The following NOC4L variants were observed in gnomAD, a reference collection of about 807,000 sequenced individuals.
NOC4L encodes nucleolar complex associated 4 homolog.
A neutral mutation model predicts 62.8 loss-of-function variants in NOC4L; 40 were observed. That is an observed-to-expected ratio of 0.64 (90% CI 0.49 to 0.83). NOC4L has a LOEUF of 0.83. NOC4L is among the 40% of genes least tolerant of loss of function. The probability of loss-of-function intolerance (pLI) is 0.00; values close to 1 mark genes in which losing one functional copy is unlikely to be tolerated. For synonymous variants in NOC4L, 433 were observed against 299.8 expected (o/e 1.44, Z -4.59); for missense variants, 927 against 701.9 (o/e 1.32, Z -3.62).
rs769566433 is a variant in NOC4L at position 132,150,966 on chromosome 12, T to C, written c.902-15T>C. 3.1e-6 allele frequency: 5 copies of C among 1,596,888 alleles called. No individual in the cohort carries two copies. The highest frequency in any genetic ancestry group is 4.3e-6 in the Non-Finnish European group (5 of 1,170,418). On this transcript the variant is annotated splice_polypyrimidine_tract_variant and intron_variant, in intron 9 of 14. Coordinates refer to ENST00000330579, the MANE Select transcript of NOC4L (RefSeq NM_024078.3). ...GAGGTCACTGCAGCTCCAGCCTGTG[T>C]CTGTCTGTCTGCAGGGGGGGCCCTC...
At position 132,147,333 on chromosome 12, in the gene NOC4L, C is replaced by A; in HGVS notation, c.398C>A (p.Pro133His). The A allele has an allele frequency of 6.3e-7, 1 of 1,595,180 alleles. No individual in the cohort carries two copies. The stretch of plus-strand genomic sequence containing the variant: ...TTCGTGCAGCTGGAAGGAGCGCACC[C>A]CCTGGAGAAGTCCAAGTGGGAAGGC... ...LKFVQLEGAH[P>H]LEKSKWEGNY... The change falls in exon 4 of 15, where the codon CCC becomes CAC. Residue 133 changes from proline to histidine, a missense_variant. Pro to His is a moderately conservative substitution (Grantham distance 77, BLOSUM62 -2). Transcript: ENST00000330579.
chr12:132,151,999 C>T, intron 13 of NOC4L, 85 bp from the exon 14 acceptor site: 1 of 1,385,138 alleles, frequency 7.2e-7, no homozygotes, highest in Non-Finnish European at 9.9e-7. Context: ...CCCGCCCACT[C>T]TGGTTGGGAG....
At chr12:132,149,070 C>T (rs1376010451) in intron 9 of NOC4L, among the ~76,000 whole-genome samples, 175 bp downstream of exon 9, 1 of 22,232 alleles carries the variant, frequency 4.5e-5, no homozygotes, top group African/African-American at 1.1e-4. Flanking sequence ...CTAATCCCCT[C>T]GGTGAGTGCC....
Position 132,151,608 on chromosome 12 carries a change from G to T in NOC4L, c.1198G>T (p.Ala400Ser). Residue 400 changes from alanine to serine, a missense_variant, in exon 12 of 15, where the codon GCC (alanine) becomes TCC (serine). Physicochemically the swap from Ala to Ser is moderately conservative, Grantham distance 99 (BLOSUM62 1). Coordinates refer to ENST00000330579, the MANE Select transcript of NOC4L (RefSeq NM_024078.3). ...CTGTAACCTGCTGCGCCGGCACCCT[G>T]CCTGCCGGGTCCTCGTGCACCGTCC... ...FICNLLRRHP[A>S]CRVLVHRPHG... The T allele has an allele frequency of 5.0e-6, 8 of 1,611,664 alleles. No individual in the cohort carries two copies. The highest frequency in any genetic ancestry group is 6.8e-6 in the Non-Finnish European group (8 of 1,179,544).
intron 2 of NOC4L, 139 bp downstream of exon 2, chr12:132,145,113 G>A: frequency 8.0e-7 from 1 of 1,244,654 alleles, no homozygotes; most frequent in South Asian, 1.5e-5. Context: ...CACCGTGGAA[G>A]ATGGATGGTG....
At chr12:132,148,683 G>A (rs765554056) in intron 8 of NOC4L, 24 bp downstream of exon 8, 2 of 1,537,504 alleles carry the variant, frequency 1.3e-6, no homozygotes, top group Non-Finnish European at 1.8e-6. Flanking sequence ...CGGGGAGGGG[G>A]CGGGGGCGGC....
At chr12:132,144,693 C>G in intron 1 of NOC4L, 88 bp downstream of exon 1, 1 of 1,450,764 alleles carries the variant, frequency 6.9e-7, no homozygotes, top group Non-Finnish European at 9.1e-7. Context: ...CCAGGAGGTT[C>G]CGAGACGGCG....
rs759986483 is a variant in NOC4L at position 132,151,053 on chromosome 12, C to G, written c.962+12C>G. On this transcript the variant is annotated intron_variant, in intron 10 of 14. Coordinates refer to ENST00000330579, the MANE Select transcript of NOC4L (RefSeq NM_024078.3). ...CACAAACACAACCTGTGAGTGTCACCAGGGGTGCAGGTCTTCTTCCCAGTC... is the reference window on the plus strand; with the variant it reads ...CACAAACACAACCTGTGAGTGTCACGAGGGGTGCAGGTCTTCTTCCCAGTC... 4.4e-6 allele frequency: 7 copies of G among 1,606,420 alleles called. No homozygotes were observed. Among genetic ancestry groups the G allele is most frequent in the Non-Finnish European group, 6.0e-6 (7 of 1,175,706 alleles).
At chr12:132,145,289 G>A (rs1287275703) in intron 2 of NOC4L, among the ~76,000 whole-genome samples, 3 of 152,216 alleles carry the variant, frequency 2.0e-5, no homozygotes, top group African/African-American at 7.2e-5. Flanking sequence ...TCCTGGGGAC[G>A]TCAGGTCTTG....
rs919065508 is a variant in NOC4L at position 132,151,785 on chromosome 12, A to G, written c.1282A>G (p.Ser428Gly). 2.5e-6 allele frequency: 4 copies of G among 1,612,128 alleles called. No homozygotes were observed. The highest frequency in any genetic ancestry group is 3.4e-6 in the Non-Finnish European group (4 of 1,179,760). ...CCCTGGAGAGGAGGACCCAGCCCAG[A>G]GCCGGGCCTTGGAGAGCTCCCTGTG... ...YDPGEEDPAQ[S>G]RALESSLWEL... Residue 428 changes from serine (S) to glycine (G), a missense_variant, in exon 13 of 15, where the codon AGC becomes GGC. Physicochemically the swap from Ser to Gly is moderately conservative, Grantham distance 56. Transcript: ENST00000330579.
Position 132,152,286 on chromosome 12 carries a change from T to C in NOC4L, c.1436T>C (p.Phe479Ser), listed in dbSNP as rs1873034184. ...PLLELTAYEI[F>S]ERDLKKKGPE... ...GCCGTGCTTTGTGCTTTGCAGATCT[T>C]TGAGCGGGACCTGAAGAAGAAGGGG... Residue 479 changes from phenylalanine to serine, a missense_variant, in exon 15 of 15, where the codon TTT (phenylalanine) becomes TCT (serine). By Grantham distance (155) the Phe-to-Ser change is radical. Transcript: ENST00000330579. The C allele has an allele frequency of 6.4e-7, 1 of 1,567,224 alleles. No individual in the cohort carries two copies.
At chr12:132,149,851 C>A (rs1175634027) in intron 9 of NOC4L, among the ~76,000 whole-genome samples, 7 of 13,244 alleles carry the variant, frequency 5.3e-4, no homozygotes, top group Non-Finnish European at 9.5e-4. Context: ...ACACCACACC[C>A]CTAATCCCCT....
In NOC4L at chr12:132,147,404, GGGACTCCCAGAGGGC is replaced by G; in HGVS notation, c.453+17_453+31del. 6.5e-7 allele frequency: 1 copy of G among 1,537,770 alleles called. No homozygotes were observed. The highest frequency in any genetic ancestry group is 8.9e-7 in the Non-Finnish European group (1 of 1,129,394). On this transcript the variant is annotated intron_variant, in intron 4 of 14. Transcript: ENST00000330579. ...GCTCTTCAAGGTGAGGGCCTTGCTG[GGGACTCCCAGAGGGC>G]CTGGCTGGCTGGCCAGATCCCAGGA...
chr12:132,148,733 GCCGGCCCCCGCCCACCCGCCC>G, intron 8 of NOC4L, 30 bp from the exon 9 acceptor site: 1 of 217,930 alleles, frequency 4.6e-6, no homozygotes, highest in Non-Finnish European at 6.7e-6. Context: ...ACCCCGACCC[GCCGGCCCCCGCCCACCCGCCC>G]CTCACCCCCA....
rs1414296478 is a variant in NOC4L at position 132,148,810 on chromosome 12, G to A, written c.816G>A (p.Val272=). ...HKLPLSLYKK[V]LLIVHDAILP... The stretch of plus-strand genomic sequence containing the variant: ...TGCCCCTCAGCCTCTACAAGAAGGT[G>A]CTGCTGATTGTGCATGACGCCATCC... Residue 272 remains valine, a synonymous_variant, in exon 9 of 15, where the codon GTG becomes GTA. Coordinates refer to ENST00000330579, the MANE Select transcript of NOC4L (RefSeq NM_024078.3). 3.8e-6 allele frequency: 6 copies of A among 1,599,526 alleles called. No individual in the cohort carries two copies. In the Admixed American group the frequency reaches 6.8e-5, roughly 18 times the overall value.
Position 132,147,316 on chromosome 12 carries a change from G to GAT in NOC4L, c.381_382insAT (p.Leu128IlefsTer91). 6.3e-7 allele frequency: 1 copy of GAT among 1,586,372 alleles called. No individual in the cohort carries two copies. The highest frequency in any genetic ancestry group is 2.3e-5 in the East Asian group (1 of 43,534). On this transcript the variant is annotated frameshift_variant, in exon 4 of 15. Transcript: ENST00000330579. LOFTEE classifies it high-confidence loss of function. ...TCAGCGCACTCCTGAAGTTCGTGCA[G>GAT]CTGGAAGGAGCGCACCCCCTGGAGA...
In NOC4L at chr12:132,147,875, C is replaced by T. The variant is rs368218530; in HGVS notation, c.604-5C>T. Reference sequence around the variant, plus strand: ...GCGTCCAGGCACTCAGGCCAGGCTCCGCAGGTGCCCCCCGCCTTTTGGAAC... The same window carrying T: ...GCGTCCAGGCACTCAGGCCAGGCTCTGCAGGTGCCCCCCGCCTTTTGGAAC... On this transcript the variant is annotated splice_region_variant and splice_polypyrimidine_tract_variant and intron_variant, in intron 5 of 14. Coordinates refer to ENST00000330579, the MANE Select transcript of NOC4L (RefSeq NM_024078.3). The T allele has an allele frequency of 7.7e-5, 124 of 1,609,482 alleles. No individual in the cohort carries two copies. Among genetic ancestry groups the T allele is most frequent in the African/African-American group, 7.3e-4 (55 of 75,022 alleles).
rs1473893421 is a variant in NOC4L, at chr12:132,147,269, C to T, written c.346-12C>T. The stretch of plus-strand genomic sequence containing the variant: ...AGGGCATCACAGCCACCCTGCACTG[C>T]CCCCTTCCCAGGAGCTGGCCCTCAG... On this transcript the variant is annotated splice_polypyrimidine_tract_variant and intron_variant, in intron 3 of 14. Coordinates refer to ENST00000330579, the MANE Select transcript of NOC4L (RefSeq NM_024078.3). 19 of 1,514,798 alleles carry T rather than the reference C, an allele frequency of 1.3e-5. No individual in the cohort carries two copies. Among genetic ancestry groups the T allele is most frequent in the Middle Eastern group, 1.8e-4 (1 of 5,532 alleles). The allele number at this position is 1,514,798 out of a possible 1,614,324, so 93.8% of individuals were successfully genotyped here.
Position 132,146,336 on chromosome 12 carries a change from T to C in NOC4L, c.345+671T>C, listed in dbSNP as rs536423265. 2.7e-4 allele frequency: 123 copies of C among 456,094 alleles called. 2 individuals carry two copies. Among genetic ancestry groups the C allele is most frequent in the South Asian group, 1.9e-3 (121 of 64,564 alleles). 28.3% of individuals were successfully genotyped at this position (456,094 alleles called of 1,614,324 possible). On this transcript the variant is annotated intron_variant, in intron 3 of 14. Coordinates refer to ENST00000330579, the MANE Select transcript of NOC4L (RefSeq NM_024078.3). The stretch of plus-strand genomic sequence containing the variant: ...TTTGTGGCTGAGTAGCAGCGCGTCG[T>C]ATAGCACAGCACGTATCGTTCAGCC...
Sources: allele counts gnomAD v4.1 joint callset (sites outside exome capture counted in the v4.1 genomes callset), GRCh38; gene constraint gnomAD v4.1.1; transcripts MANE v1.5; gene names NCBI Gene and HGNC (gene_info 2026-07-23, HGNC 2026-07-21).